Variants in DOK6 observed in about 807,000 individuals in gnomAD.
DOK6 encodes the protein docking protein 6.
DOK6 carries 22 observed loss-of-function variants against 44.0 expected under a neutral mutation model. The observed-to-expected ratio is 0.50, with a 90% confidence interval of 0.36 to 0.71. DOK6 has a LOEUF of 0.71. Among genes scored for constraint, DOK6 ranks in the 30% least tolerant of loss-of-function variants. DOK6 has a pLI of 0.00. For synonymous variants in DOK6, 166 were observed against 145.5 expected (o/e 1.14, Z -1.01); for missense variants, 340 against 416.4 (o/e 0.82, Z 1.60).
At chr18:69,517,730 T>TG (rs1981570110) in intron 1 of DOK6, among the ~76,000 whole-genome samples, 1 of 13,926 alleles carries the variant, frequency 7.2e-5, no homozygotes, top group Non-Finnish European at 1.4e-3. Flanking sequence ...TACAGCTTGG[T>TG]TTTTTTTTTT....
chr18:69,562,745 G>A (rs1411775874), intron 1 of DOK6, among the ~76,000 whole-genome samples: 3 of 151,814 alleles, frequency 2.0e-5, no homozygotes, highest in Admixed American at 6.6e-5. Context: ...CATGGGCAAG[G>A]ACTTCATGTC....
chr18:69,660,228 G>A (rs1302940982), intron 3 of DOK6: 1 of 152,114 alleles, frequency 6.6e-6, no homozygotes, highest in African/African-American at 2.4e-5. Flanking sequence ...CTGCATGGAG[G>A]CCTGCAATGT....
At chr18:69,743,221 G>C (rs1255195167) in intron 6 of DOK6, among the ~76,000 whole-genome samples, 2 of 152,204 alleles carry the variant, frequency 1.3e-5, no homozygotes, top group African/African-American at 4.8e-5. Flanking sequence ...TCAAATATTT[G>C]AGAAAATGAT....
chr18:69,528,591 G>T (rs532689285), intron 1 of DOK6, among the ~76,000 whole-genome samples: 1 of 152,154 alleles, frequency 6.6e-6, no homozygotes, highest in Non-Finnish European at 1.5e-5. Context: ...AATTTGTATG[G>T]TGCCAGGGAA....
chr18:69,459,618 A>G (rs954977058), intron 1 of DOK6, among the ~76,000 whole-genome samples: 1 of 152,200 alleles, frequency 6.6e-6, no homozygotes, highest in Non-Finnish European at 1.5e-5. Context: ...TGTCATGGTC[A>G]TTGTTATAGA....
intron 7 of DOK6, among the ~76,000 whole-genome samples, chr18:69,759,641 T>G (rs1010248713): frequency 6.6e-6 from 1 of 152,220 alleles, no homozygotes; most frequent in East Asian, 1.9e-4. Flanking sequence ...TGGCTTTGCA[T>G]CTGATAAAAA....
Position 69,841,388 on chromosome 18 carries a change from C to G in DOK6, c.*5C>G. 1 of 1,614,158 alleles carries G rather than the reference C, an allele frequency of 6.2e-7. No homozygotes were observed. The highest frequency in any genetic ancestry group is 8.5e-7 in the Non-Finnish European group (1 of 1,180,012). On this transcript the variant is annotated 3_prime_UTR_variant, in exon 8 of 8. Transcript: ENST00000382713. ...AGCTCCAGCCTCATCCAATGACACA[C>G]AGAGAGCCGCTGTTGACTAGAGAGA... is the stretch of plus-strand genomic sequence containing the variant.
At chr18:69,489,237 C>A (rs1381364251) in intron 1 of DOK6, among the ~76,000 whole-genome samples, 1 of 152,190 alleles carries the variant, frequency 6.6e-6, no homozygotes, top group Non-Finnish European at 1.5e-5. Flanking sequence ...TTTTCAAAAT[C>A]TCTTCCAGAA....
chr18:69,788,173 A>G (rs1188621422), intron 7 of DOK6, among the ~76,000 whole-genome samples: 1 of 152,194 alleles, frequency 6.6e-6, no homozygotes, highest in Non-Finnish European at 1.5e-5. Flanking sequence ...GGATTATTAA[A>G]TAACCAGGGG....
At chr18:69,777,378 T>C (rs947139683) in intron 7 of DOK6, among the ~76,000 whole-genome samples, 2 of 152,094 alleles carry the variant, frequency 1.3e-5, no homozygotes, top group Non-Finnish European at 2.9e-5. Flanking sequence ...AGGTATGATA[T>C]TCTCAGTAAG....
chr18:69,770,222 C>T (rs1182030315), intron 7 of DOK6, among the ~76,000 whole-genome samples: 6 of 151,988 alleles, frequency 3.9e-5, no homozygotes, highest in Non-Finnish European at 7.4e-5. Flanking sequence ...CTATTATTGT[C>T]CCCATTTTAC....
At chr18:69,659,251 T>C (rs182357778) in intron 3 of DOK6, among the ~76,000 whole-genome samples, 14 of 152,350 alleles carry the variant, frequency 9.2e-5, no homozygotes, top group Admixed American at 5.9e-4. Flanking sequence ...AGCAGCATTC[T>C]GGCCTTTCAT....
intron 1 of DOK6, among the ~76,000 whole-genome samples, chr18:69,527,687 C>T (rs17204113): frequency 0.035 from 5,395 of 152,276 alleles, 135 homozygotes; most frequent in Non-Finnish European, 0.052. Context: ...TGAAATTCAT[C>T]TGGCAACTAC....
At chr18:69,596,037 A>T (rs956254272) in intron 2 of DOK6, among the ~76,000 whole-genome samples, 1 of 152,176 alleles carries the variant, frequency 6.6e-6, no homozygotes, top group Non-Finnish European at 1.5e-5. Flanking sequence ...AAAAGCACAG[A>T]GGTTGTGATG....
At chr18:69,663,533 TC>T (rs1177056610) in intron 3 of DOK6, 2 of 152,060 alleles carry the variant, frequency 1.3e-5, no homozygotes, top group African/African-American at 4.8e-5. Context: ...AATTAAATGG[TC>T]CATGGTTGAT....
At chr18:69,814,661 T>C (rs1005519687) in intron 7 of DOK6, among the ~76,000 whole-genome samples, 1 of 151,846 alleles carries the variant, frequency 6.6e-6, no homozygotes, top group Admixed American at 6.6e-5. Flanking sequence ...TGGTGGAAGG[T>C]GAGGAGGAAG....
intron 7 of DOK6, among the ~76,000 whole-genome samples, chr18:69,771,085 A>C (rs923072929): frequency 6.6e-6 from 1 of 152,114 alleles, no homozygotes; most frequent in Non-Finnish European, 1.5e-5. Flanking sequence ...TAAATACATT[A>C]AGTTTAACTG....
chr18:69,666,951 C>T (rs1264815140), intron 3 of DOK6, among the ~76,000 whole-genome samples: 3 of 152,170 alleles, frequency 2.0e-5, no homozygotes, highest in African/African-American at 7.2e-5. Flanking sequence ...GGCTCCACCT[C>T]TGTCAGTAGG....
chr18:69,718,699 C>T (rs1266942751), intron 5 of DOK6, among the ~76,000 whole-genome samples: 13 of 152,148 alleles, frequency 8.5e-5, no homozygotes, highest in African/African-American at 2.4e-5. Context: ...ATGTTTCATA[C>T]TAGTCATGAA....
Sources: allele counts gnomAD v4.1 joint callset (sites outside exome capture counted in the v4.1 genomes callset), GRCh38; gene constraint gnomAD v4.1.1; transcripts MANE v1.5; gene names NCBI Gene and HGNC (gene_info 2026-07-23, HGNC 2026-07-21).